Variants in UBE2E2 observed in about 807,000 individuals in gnomAD.
The protein encoded by UBE2E2 is ubiquitin-conjugating enzyme E2 E2.
UBE2E2 carries 6 observed loss-of-function variants against 24.7 expected under a neutral mutation model. The observed-to-expected ratio is 0.24, with a 90% CI of 0.13 to 0.48. The LOEUF is 0.48. Ranked by LOEUF, UBE2E2 falls within the 20% of genes least tolerant of loss-of-function variation. The pLI is 0.99. For missense variants in UBE2E2, 169 were observed against 245.0 expected (o/e 0.69, Z 2.07); for synonymous variants, 104 against 83.6 (o/e 1.24, Z -1.33).
rs1695149850 is a variant in UBE2E2 at position 23,532,554 on chromosome 3, G to A, written c.361G>A (p.Val121Ile). ...SPDYPFKPPK[V>I]TFRTRIYHCN... ...AATATAACTTTACATTTTCTTGTAG[G>A]TTACCTTCCGAACAAGAATCTATCA... The change falls in exon 5 of 6, where the codon GTT (valine) becomes ATT (isoleucine). Residue 121 changes from valine to isoleucine, a missense_variant and splice_region_variant. Physicochemically the swap from Val to Ile is conservative, Grantham distance 29 (BLOSUM62 3). This residue lies in a region of UBE2E2 where 105 missense variants were observed against 180.7 expected (regional missense o/e 0.58). Transcript: ENST00000396703. The A allele has an allele frequency of 6.6e-7, 1 of 1,510,420 alleles. No individual in the cohort carries two copies. The highest frequency in any genetic ancestry group is 9.0e-7 in the Non-Finnish European group (1 of 1,110,282). The allele number at this position is 1,510,420 out of a possible 1,614,324, so 93.6% of individuals were successfully genotyped here.
At chr3:23,455,227 G>A (rs1179453990) in intron 3 of UBE2E2, among the ~76,000 whole-genome samples, 1 of 152,182 alleles carries the variant, frequency 6.6e-6, no homozygotes, top group Non-Finnish European at 1.5e-5. Flanking sequence ...TACCACACAA[G>A]TGAATTACAG....
At position 23,590,529 on chromosome 3, in the gene UBE2E2, G is replaced by A. The variant is rs1696737395; in HGVS notation, c.*698G>A. ...CACTTTTGACTGTGGATCAGTTGAT[G>A]TACACTTGTATTATTAAAGCACTCA... is the stretch of plus-strand genomic sequence containing the variant. On this transcript the variant is annotated 3_prime_UTR_variant, in exon 6 of 6. Transcript: ENST00000396703. The A allele has an allele frequency of 6.6e-6, 1 of 152,638 alleles. No homozygotes were observed. Among genetic ancestry groups the A allele is most frequent in the South Asian group, 2.1e-4 (1 of 4,824 alleles). 9.5% of individuals were successfully genotyped at this position (152,638 alleles called of 1,614,324 possible). A position where few individuals can be genotyped will look rare whatever the true frequency, so the allele number is the denominator to read the frequency against.
chr3:23,562,413 A>G (rs981437917), intron 5 of UBE2E2, among the ~76,000 whole-genome samples: 1 of 152,172 alleles, frequency 6.6e-6, no homozygotes, highest in African/African-American at 2.4e-5. Flanking sequence ...ATCCCAGGAA[A>G]GAAGCCCACT....
rs902970915 is a variant in UBE2E2 at position 23,591,451 on chromosome 3, A to G, written c.*1620A>G. ...TTAAATATTGCAAATGCCACTTCTA[A>G]ACCAAAATACCTGAGAATATTTTTT... On this transcript the variant is annotated 3_prime_UTR_variant, in exon 6 of 6. Transcript: ENST00000396703. The G allele has an allele frequency of 6.6e-6, 1 of 152,250 alleles. No homozygotes were observed. The highest frequency in any genetic ancestry group is 1.5e-5 in the Non-Finnish European group (1 of 68,040). 9.4% of individuals were successfully genotyped at this position (152,250 alleles called of 1,614,324 possible).
chr3:23,444,075 T>TG (rs1698370334), intron 3 of UBE2E2, among the ~76,000 whole-genome samples: 1 of 151,512 alleles, frequency 6.6e-6, no homozygotes, highest in Non-Finnish European at 1.5e-5. Context: ...GTTTTTTTTT[T>TG]TTTTTTTGCC....
At chr3:23,422,426 A>G (rs898510946) in intron 3 of UBE2E2, among the ~76,000 whole-genome samples, 3 of 152,192 alleles carry the variant, frequency 2.0e-5, no homozygotes, top group Admixed American at 6.5e-5. Flanking sequence ...TCACCAGTCC[A>G]GTGTTGCCAG....
chr3:23,545,553 A>G (rs935787830), intron 5 of UBE2E2, among the ~76,000 whole-genome samples: 4 of 152,212 alleles, frequency 2.6e-5, no homozygotes, highest in African/African-American at 9.7e-5. Flanking sequence ...TTAGTACAGA[A>G]CAAAATGGAG....
chr3:23,241,357 A>T (rs568328291), intron 3 of UBE2E2, among the ~76,000 whole-genome samples: 2 of 152,148 alleles, frequency 1.3e-5, no homozygotes, highest in Non-Finnish European at 2.9e-5. Context: ...TATATAGTCT[A>T]TTCTTAATAT....
intron 4 of UBE2E2, among the ~76,000 whole-genome samples, chr3:23,514,930 G>C (rs1435386512): frequency 6.6e-6 from 1 of 152,110 alleles, no homozygotes; most frequent in Non-Finnish European, 1.5e-5. Context: ...TCAGTATTGG[G>C]TCAAAATCTG....
chr3:23,204,735 T>A, intron 1 of UBE2E2: 1 of 985,466 alleles, frequency 1.0e-6, no homozygotes, highest in Non-Finnish European at 1.2e-6. Flanking sequence ...TCTGCATAAA[T>A]GTCTTTGCAG....
At chr3:23,300,486 C>T (rs1435354143) in intron 3 of UBE2E2, among the ~76,000 whole-genome samples, 4 of 152,026 alleles carry the variant, frequency 2.6e-5, no homozygotes, top group African/African-American at 9.7e-5. Context: ...CTGGTGGTGA[C>T]AAAATCTCTC....
intron 3 of UBE2E2, among the ~76,000 whole-genome samples, chr3:23,495,773 A>G (rs1326102758): frequency 2.0e-5 from 3 of 152,172 alleles, no homozygotes; most frequent in East Asian, 3.9e-4. Flanking sequence ...TACTCTGTCT[A>G]TGCCTCATTG....
chr3:23,218,522 T>G (rs796226409), intron 3 of UBE2E2, among the ~76,000 whole-genome samples: 8 of 152,178 alleles, frequency 5.3e-5, no homozygotes, highest in African/African-American at 1.9e-4. Context: ...CCTTTGTTTC[T>G]TAGGATAATA....
rs189352548 is a variant in UBE2E2, at chr3:23,445,562, C to T, written c.228-54046C>T. Among the ~76,000 whole-genome samples, 487 of 152,312 alleles carry T rather than the reference C, an allele frequency of 3.2e-3. 11 individuals carry two copies. The highest frequency in any genetic ancestry group is 6.6e-4 in the Non-Finnish European group (45 of 68,026). ...TTACCACAGTTCTTTAGGTCTGCTC[C>T]TGAATAAGGCTGCAGTGCAACAGCA... On this transcript the variant is annotated intron_variant, in intron 3 of 5. Coordinates refer to ENST00000396703, the MANE Select transcript of UBE2E2 (RefSeq NM_152653.4).
intron 3 of UBE2E2, among the ~76,000 whole-genome samples, chr3:23,355,736 A>G (rs902109860): frequency 2.6e-5 from 4 of 152,324 alleles, no homozygotes; most frequent in South Asian, 2.1e-4. Context: ...TCTCTGATCT[A>G]TAAAACCTGT....
In UBE2E2 at chr3:23,238,729, T is replaced by G. The variant is rs116997725; in HGVS notation, c.227+21417T>G. On this transcript the variant is annotated intron_variant, in intron 3 of 5. Transcript: ENST00000396703. ...TAAACATGAAATGCATTTATGTTTC[T>G]TACACACCTTATACACATAGCCTGA... 6.5e-4 allele frequency among the ~76,000 whole-genome samples: 99 copies of G among 152,308 alleles called. 5 individuals carry two copies. In the East Asian group the frequency reaches 0.016, roughly 24 times the overall value.
At chr3:23,314,635 G>A (rs1053972458) in intron 3 of UBE2E2, among the ~76,000 whole-genome samples, 2 of 152,166 alleles carry the variant, frequency 1.3e-5, no homozygotes, top group African/African-American at 4.8e-5. Context: ...TTGTAGGACA[G>A]GTCTGGTGTT....
chr3:23,458,251 G>A (rs1330119153), intron 3 of UBE2E2, among the ~76,000 whole-genome samples: 4 of 152,026 alleles, frequency 2.6e-5, no homozygotes, highest in Non-Finnish European at 5.9e-5. Context: ...CCAAGGAGAA[G>A]GGGAGAGAGT....
At chr3:23,389,680 AG>A in intron 3 of UBE2E2, 1 of 257,246 alleles carries the variant, frequency 3.9e-6, no homozygotes. Context: ...GCTGGCTTTG[AG>A]GGGGATTTCA....
Sources: gnomAD v4.1 joint callset for allele counts (sites outside exome capture counted in the v4.1 genomes callset) on GRCh38, gnomAD v4.1.1 for gene constraint, gnomAD v4.1.1 regional missense constraint, MANE v1.5 for transcripts, NCBI Gene and HGNC (gene_info 2026-07-23, HGNC 2026-07-21) for gene names.